The following TMEM266 variants were observed in gnomAD, a reference collection of about 807,000 sequenced individuals.
TMEM266 encodes the protein Hv1 related protein 1.
A neutral mutation model predicts 50.5 loss-of-function variants in TMEM266; 33 were observed. The observed-to-expected ratio is 0.65, with a 90% confidence interval of 0.50 to 0.87. The LOEUF (loss-of-function observed/expected upper bound fraction) is 0.87, where lower values mean the gene tolerates loss of function less well. Ranked by LOEUF, TMEM266 falls within the 40% of genes least tolerant of loss-of-function variation. The pLI is 0.00. For missense variants in TMEM266, 655 were observed against 695.1 expected (o/e 0.94, Z 0.65); for synonymous variants, 310 against 292.3 (o/e 1.06, Z -0.62).
At chr15:76,156,180 A>T (rs1034794150) in intron 3 of TMEM266, among the ~76,000 whole-genome samples, 6 of 152,062 alleles carry the variant, frequency 3.9e-5, no homozygotes, top group Admixed American at 6.6e-5. Context: ...GGCCAACATG[A>T]TGAAACCCCA....
chr15:76,075,404 A>G (rs1045466862), intron 1 of TMEM266, among the ~76,000 whole-genome samples: 19 of 152,148 alleles, frequency 1.2e-4, no homozygotes, highest in Non-Finnish European at 2.6e-4. Flanking sequence ...GCTAGGCAAA[A>G]TAGTGTTTCA....
chr15:76,085,542 A>G lies in TMEM266; in HGVS notation c.-97+25526A>G, dbSNP rs141033983. 5.1e-3 allele frequency among the ~76,000 whole-genome samples: 772 copies of G among 151,994 alleles called. 10 individuals are homozygous for G. The highest frequency in any genetic ancestry group is 0.018 in the African/African-American group (731 of 41,454). ...CCCAAAGTGCTGGGATTACAGGCATAAGCCACCGTACCTGGCCCAGATTTG... is the reference window on the plus strand; with the variant it reads ...CCCAAAGTGCTGGGATTACAGGCATGAGCCACCGTACCTGGCCCAGATTTG... On this transcript the variant is annotated intron_variant, in intron 1 of 10. Coordinates refer to ENST00000388942, the MANE Select transcript of TMEM266 (RefSeq NM_152335.3).
intron 1 of TMEM266, among the ~76,000 whole-genome samples, chr15:76,078,376 G>C (rs988138130): frequency 1.3e-5 from 2 of 151,210 alleles, no homozygotes; most frequent in Admixed American, 6.6e-5. Flanking sequence ...CACACACACA[G>C]ATGAATACAT....
intron 1 of TMEM266, among the ~76,000 whole-genome samples, chr15:76,063,221 T>C (rs1279500398): frequency 6.6e-6 from 1 of 152,206 alleles, no homozygotes; most frequent in Non-Finnish European, 1.5e-5. Context: ...ACATCTCATA[T>C]TGCAGTGACC....
Position 76,132,811 on chromosome 15 carries a change from G to A in TMEM266, c.-96-1357G>A, listed in dbSNP as rs868376690. Among the ~76,000 whole-genome samples, 606 of 100,520 alleles carry A rather than the reference G, an allele frequency of 6.0e-3. 7 individuals carry two copies. Among genetic ancestry groups the A allele is most frequent in the African/African-American group, 0.019 (580 of 29,752 alleles). The allele number at this position is 100,520 out of a possible 152,430, so 65.9% of individuals were successfully genotyped here. ...CTCTGTCTCTCAAATAATAATAATA[G>A]TAATTATTATTATTATTATTATTAT... On this transcript the variant is annotated intron_variant, in intron 1 of 10. Transcript: ENST00000388942.
intron 4 of TMEM266, among the ~76,000 whole-genome samples, chr15:76,158,652 C>T (rs1008571834): frequency 1.3e-5 from 2 of 152,180 alleles, no homozygotes; most frequent in Non-Finnish European, 2.9e-5. Flanking sequence ...TATTGCTCTT[C>T]TAAAGCAAAC....
intron 3 of TMEM266, among the ~76,000 whole-genome samples, chr15:76,152,512 C>A (rs2142043778): frequency 6.6e-6 from 1 of 152,298 alleles, no homozygotes; most frequent in East Asian, 1.9e-4. Context: ...ATACCCCCTG[C>A]TGAAGGGGGA....
intron 4 of TMEM266, among the ~76,000 whole-genome samples, chr15:76,157,139 G>A (rs748634066): frequency 1.9e-4 from 29 of 152,148 alleles, no homozygotes; most frequent in Admixed American, 1.3e-3. Flanking sequence ...CATTTACGGA[G>A]GCATCTCAGC....
At chr15:76,158,847 G>A (rs1405562790) in intron 4 of TMEM266, among the ~76,000 whole-genome samples, 1 of 152,220 alleles carries the variant, frequency 6.6e-6, no homozygotes, top group African/African-American at 2.4e-5. Flanking sequence ...GGGGGCCTCA[G>A]AGTCTCCCAC....
At chr15:76,099,493 G>T (rs915214650) in intron 1 of TMEM266, among the ~76,000 whole-genome samples, 1 of 152,334 alleles carries the variant, frequency 6.6e-6, no homozygotes, top group African/African-American at 2.4e-5. Flanking sequence ...ACCTCGCTGG[G>T]AGCTGCAGAC....
At position 76,161,584 on chromosome 15, in the gene TMEM266, C is replaced by T. The variant is rs574940927; in HGVS notation, c.456+1416C>T. Among the ~76,000 whole-genome samples, 2 of 152,288 alleles carry T rather than the reference C, an allele frequency of 1.3e-5. No homozygotes were observed. Among genetic ancestry groups the T allele is most frequent in the East Asian group, 1.9e-4 (1 of 5,178 alleles). The stretch of plus-strand genomic sequence containing the variant: ...GGCAGCAGGCATTCCAAGCATGGAA[C>T]ATTCCCTTTCCTGGGCCTCGCCTCC... On this transcript the variant is annotated intron_variant, in intron 5 of 10. Coordinates refer to ENST00000388942, the MANE Select transcript of TMEM266 (RefSeq NM_152335.3). This position sits in a 1 kb window ranked among gnomAD's most constrained non-coding sequence, Gnocchi z 4.1.
At chr15:76,167,197 G>A (rs942398194) in intron 5 of TMEM266, among the ~76,000 whole-genome samples, 7 of 152,130 alleles carry the variant, frequency 4.6e-5, no homozygotes, top group Non-Finnish European at 7.3e-5. Context: ...ATGGCTGGGC[G>A]CGGTGGCTCA....
At chr15:76,148,978 A>G (rs748838372) in intron 3 of TMEM266, among the ~76,000 whole-genome samples, 7 of 151,422 alleles carry the variant, frequency 4.6e-5, no homozygotes, top group Non-Finnish European at 1.0e-4. Context: ...GTCACCTTTC[A>G]CCTCCATCCT....
chr15:76,095,510 G>A (rs1414335227), intron 1 of TMEM266, among the ~76,000 whole-genome samples: 1 of 152,058 alleles, frequency 6.6e-6, no homozygotes, highest in Non-Finnish European at 1.5e-5. Context: ...GCTGGATTCA[G>A]TTTGCCAGTA....
intron 1 of TMEM266, among the ~76,000 whole-genome samples, chr15:76,061,123 T>C (rs1021650160): frequency 2.6e-5 from 4 of 152,102 alleles, no homozygotes; most frequent in African/African-American, 9.7e-5. Flanking sequence ...ACCTCCACCC[T>C]AAAATATTGT....
At position 76,204,494 on chromosome 15, in the gene TMEM266, G is replaced by A; in HGVS notation, c.*179G>A. ...GAGGCCACAAGCTTCAGACCTCAAAGCCCAGAGCTGGCGCCTCTTCTCGCC... is the reference window on the plus strand; with the variant it reads ...GAGGCCACAAGCTTCAGACCTCAAAACCCAGAGCTGGCGCCTCTTCTCGCC... On this transcript the variant is annotated 3_prime_UTR_variant, in exon 11 of 11. Transcript: ENST00000388942. 1 of 558,150 alleles carries A rather than the reference G, an allele frequency of 1.8e-6. No homozygotes were observed. The highest frequency in any genetic ancestry group is 3.0e-5 in the South Asian group (1 of 32,884). The allele number at this position is 558,150 out of a possible 1,614,324, so 34.6% of individuals were successfully genotyped here.
intron 5 of TMEM266, among the ~76,000 whole-genome samples, chr15:76,162,124 C>T (rs1360918079): frequency 1.3e-5 from 2 of 152,182 alleles, no homozygotes; most frequent in African/African-American, 4.8e-5. Flanking sequence ...GCTGGGTCCT[C>T]CCACAGCTGA....
chr15:76,154,645 G>T (rs888704008), intron 3 of TMEM266, among the ~76,000 whole-genome samples: 3 of 152,016 alleles, frequency 2.0e-5, no homozygotes, highest in Non-Finnish European at 4.4e-5. Flanking sequence ...TTCCTCCTTT[G>T]CCTGTTGATG....
chr15:76,201,926 G>A (rs2038754577), intron 9 of TMEM266, among the ~76,000 whole-genome samples: 1 of 152,212 alleles, frequency 6.6e-6, no homozygotes, highest in Admixed American at 6.5e-5. Flanking sequence ...TCAGAGATGG[G>A]GAAACTGGGG....
Sources: allele counts gnomAD v4.1 joint callset (sites outside exome capture counted in the v4.1 genomes callset), GRCh38; gene constraint gnomAD v4.1.1; non-coding constraint Gnocchi (gnomAD v3.1); transcripts MANE v1.5; gene names NCBI Gene and HGNC (gene_info 2026-07-23, HGNC 2026-07-21).